The following OAT variants were observed in gnomAD, a reference collection of about 807,000 sequenced individuals.
The protein encoded by OAT is ornithine aminotransferase, mitochondrial.
In OAT, 35 loss-of-function variants were observed where a neutral mutation model predicts 48.4. The ratio of observed to expected loss-of-function variants is 0.72; its 90% CI spans 0.55 to 0.96. The LOEUF is 0.96. Among genes scored for constraint, OAT ranks in the 40% least tolerant of loss-of-function variants. OAT has a pLI of 0.00. For missense variants in OAT, 438 were observed against 537.9 expected (o/e 0.81, Z 1.84); for synonymous variants, 182 against 198.4 (o/e 0.92, Z 0.70).
intron 1 of OAT, among the ~76,000 whole-genome samples, chr10:124,418,557 C>T (rs1193955111): frequency 6.6e-6 from 1 of 152,344 alleles, no homozygotes; most frequent in East Asian, 1.9e-4. Flanking sequence ...TCAGCCTCTC[C>T]CTGCCGCCCG....
Position 124,398,036 on chromosome 10 carries a change from C to A in OAT, c.1226G>T (p.Gly409Val), listed in dbSNP as rs532379872. The A allele has an allele frequency of 1.2e-6, 2 of 1,614,100 alleles. No individual in the cohort carries two copies. The highest frequency in any genetic ancestry group is 4.5e-5 in the East Asian group (2 of 44,884). ...CGGAGGCGCAAACCTGATAATGTCG[C>A]CATGGGTTGGCTTGGCCAGAAGTCC... ...DNGLLAKPTH[G>V]DIIRFAPPLV... Residue 409 changes from glycine (G) to valine (V), a missense_variant, in exon 10 of 10, where the codon GGC (glycine) becomes GTC (valine). Gly to Val is a moderately radical substitution (Grantham distance 109, BLOSUM62 -3). Transcript: ENST00000368845.
intron 2 of OAT, among the ~76,000 whole-genome samples, chr10:124,411,139 C>CAAAAAAAA (rs370084432): frequency 6.7e-5 from 1 of 15,026 alleles, no homozygotes; most frequent in Non-Finnish European, 1.3e-4. Context: ...CATTCCGTCT[C>CAAAAAAAA]AAAAAAAAAA....
intron 1 of OAT, among the ~76,000 whole-genome samples, chr10:124,413,461 G>C (rs1237960545): frequency 6.6e-6 from 1 of 152,120 alleles, no homozygotes; most frequent in South Asian, 2.1e-4. Context: ...AGAGGCAGGC[G>C]ATCACCTGAA....
intron 2 of OAT, among the ~76,000 whole-genome samples, chr10:124,410,948 C>A (rs542830965): frequency 6.6e-6 from 1 of 151,218 alleles, no homozygotes; most frequent in African/African-American, 2.4e-5. Flanking sequence ...GAGACCAGCC[C>A]GGCCAACATG....
chr10:124,413,245 T>C (rs1951809441), intron 1 of OAT, among the ~76,000 whole-genome samples: 2 of 147,946 alleles, frequency 1.4e-5, no homozygotes, highest in Admixed American at 6.9e-5. Context: ...TAGACCAACA[T>C]ATACATACAT....
chr10:124,402,418 T>C (rs1012167215), intron 7 of OAT, among the ~76,000 whole-genome samples: 13 of 152,362 alleles, frequency 8.5e-5, no homozygotes, highest in Admixed American at 8.5e-4. Flanking sequence ...AAATGCTTTG[T>C]TTAAATGCTT....
chr10:124,406,168 G>T, intron 4 of OAT: 1 of 951,726 alleles, frequency 1.1e-6, no homozygotes, highest in Non-Finnish European at 1.3e-6. Context: ...AGGTGACTGA[G>T]GATCTACTAT....
At chr10:124,415,585 T>G (rs754523582) in intron 1 of OAT, among the ~76,000 whole-genome samples, 1 of 152,202 alleles carries the variant, frequency 6.6e-6, no homozygotes, top group Non-Finnish European at 1.5e-5. Flanking sequence ...ATGAGAAATC[T>G]TAGAGCAGAA....
chr10:124,412,204 T>C lies in OAT; in HGVS notation c.-29-4A>G. 1 of 1,590,612 alleles carries C rather than the reference T, an allele frequency of 6.3e-7. No homozygotes were observed. Among genetic ancestry groups the C allele is most frequent in the Non-Finnish European group, 8.6e-7 (1 of 1,162,506 alleles). ...TTCAAGTAGAAAAACCACAGATCTG[T>C]CCAAAGAAAAGAGAATGCATTAAGA... On this transcript the variant is annotated splice_polypyrimidine_tract_variant and splice_region_variant and intron_variant, in intron 1 of 9. Coordinates refer to ENST00000368845, the MANE Select transcript of OAT (RefSeq NM_000274.4).
At position 124,402,988 on chromosome 10, in the gene OAT, T is replaced by C. The variant is rs1951456303; in HGVS notation, c.839A>G (p.Tyr280Cys). 6.2e-7 allele frequency: 1 copy of C among 1,614,162 alleles called. No individual in the cohort carries two copies. The highest frequency in any genetic ancestry group is 8.5e-7 in the Non-Finnish European group (1 of 1,180,014). ...GACTATATCAGGTCTGACATTTTCA[T>C]AATCAACAGCCAGCCATCTACCAGT... is the stretch of plus-strand genomic sequence containing the variant. ...ARTGRWLAVD[Y>C]ENVRPDIVLL... is the part of the protein sequence containing the mutation. Residue 280 changes from tyrosine to cysteine, a missense_variant, in exon 7 of 10, where the codon TAT becomes TGT. Coordinates refer to ENST00000368845, the MANE Select transcript of OAT (RefSeq NM_000274.4).
At chr10:124,417,474 AG>A (rs1951955265) in intron 1 of OAT, among the ~76,000 whole-genome samples, 1 of 151,868 alleles carries the variant, frequency 6.6e-6, no homozygotes, top group Non-Finnish European at 1.5e-5. Flanking sequence ...TAGTAGAGAA[AG>A]GGTTTCACCA....
chr10:124,403,076 C>G lies in OAT; in HGVS notation c.772-21G>C, dbSNP rs1190736153. On this transcript the variant is annotated intron_variant, in intron 6 of 9. Transcript: ENST00000368845. ...AGAACCTATTGGGGAAAAAAAATACCCCTATTAGTGATCACTTTCGTTTCC... is the reference window on the plus strand; with the variant it reads ...AGAACCTATTGGGGAAAAAAAATACGCCTATTAGTGATCACTTTCGTTTCC... 4 of 1,613,318 alleles carry G rather than the reference C, an allele frequency of 2.5e-6. No individual in the cohort carries two copies. In the South Asian group the frequency reaches 4.4e-5, roughly 18 times the overall value.
At chr10:124,408,698 G>C (rs1207989973) in intron 3 of OAT, 43 bp downstream of exon 3, 1 of 1,571,272 alleles carries the variant, frequency 6.4e-7, no homozygotes, top group Non-Finnish European at 8.8e-7. Context: ...AAAATAAAAA[G>C]ATTATTTTTG....
rs928516204 is a variant in OAT, at chr10:124,400,735, G to A, written c.1159+105C>T. 9 of 940,988 alleles carry A rather than the reference G, an allele frequency of 9.6e-6. No individual in the cohort carries two copies. In the African/African-American group the frequency reaches 1.3e-4, roughly 14 times the overall value. The allele number at this position is 940,988 out of a possible 1,614,324, so 58.3% of individuals were successfully genotyped here. A position where few individuals can be genotyped will look rare whatever the true frequency, so the allele number is the denominator to read the frequency against. ...ACGGCACTGCAGCCTAGGAGACAGAGCAAGACTCCGTCTCGAAAAATAAAT... is the reference window on the plus strand; with the variant it reads ...ACGGCACTGCAGCCTAGGAGACAGAACAAGACTCCGTCTCGAAAAATAAAT... On this transcript the variant is annotated intron_variant, in intron 9 of 9. Coordinates refer to ENST00000368845, the MANE Select transcript of OAT (RefSeq NM_000274.4).
rs1251932816 is a variant in OAT at position 124,403,064 on chromosome 10, G to A, written c.772-9C>T. 1 of 1,612,438 alleles carries A rather than the reference G, an allele frequency of 6.2e-7. No individual in the cohort carries two copies. Among genetic ancestry groups the A allele is most frequent in the Non-Finnish European group, 8.5e-7 (1 of 1,179,418 alleles). On this transcript the variant is annotated splice_polypyrimidine_tract_variant and intron_variant, in intron 6 of 9. Coordinates refer to ENST00000368845, the MANE Select transcript of OAT (RefSeq NM_000274.4). ...TCAGCAATAAAGAGAACCTATTGGG[G>A]AAAAAAAATACCCCTATTAGTGATC...
chr10:124,398,181 G>A, intron 9 of OAT, 79 bp from the exon 10 acceptor site: 5 of 1,502,744 alleles, frequency 3.3e-6, no homozygotes, highest in Non-Finnish European at 4.6e-6. Flanking sequence ...GCAAAGTGCA[G>A]CCTGGCAAAA....
intron 9 of OAT, among the ~76,000 whole-genome samples, chr10:124,399,718 A>G (rs1951347529): frequency 1.3e-5 from 2 of 152,178 alleles, no homozygotes; most frequent in African/African-American, 4.8e-5. Flanking sequence ...AGTTATCACA[A>G]GAAAATCCAG....
At position 124,397,944 on chromosome 10, in the gene OAT, A is replaced by C. The variant is rs1372235579; in HGVS notation, c.1318T>G (p.Ter440GlyextTer2). Residue 440 changes from the stop codon to glycine (G), a stop_lost, in exon 10 of 10, where the codon TGA becomes GGA. Transcript: ENST00000368845. ...EIINKTILSF[*>G] ...CCACTGAAAACAGCTGGCTACCCTC[A>C]GAAAGACAAGATGGTCTTGTTAATA... is the stretch of plus-strand genomic sequence containing the variant. 2 of 1,613,654 alleles carry C rather than the reference A, an allele frequency of 1.2e-6. No homozygotes were observed. Among genetic ancestry groups the C allele is most frequent in the Non-Finnish European group, 1.7e-6 (2 of 1,179,858 alleles).
intron 1 of OAT, among the ~76,000 whole-genome samples, chr10:124,416,625 C>T (rs1347304890): frequency 6.6e-6 from 1 of 152,172 alleles, no homozygotes; most frequent in Non-Finnish European, 1.5e-5. Flanking sequence ...TACCATTACT[C>T]CCTCCATCTA....
Sources: allele counts gnomAD v4.1 joint callset (sites outside exome capture counted in the v4.1 genomes callset), GRCh38; gene constraint gnomAD v4.1.1; transcripts MANE v1.5; gene names NCBI Gene and HGNC (gene_info 2026-07-23, HGNC 2026-07-21).